Variants in CHRNA1 observed in about 807,000 individuals in gnomAD.
The protein encoded by CHRNA1 is acetylcholine receptor subunit alpha.
In CHRNA1, 35 loss-of-function variants were observed where a neutral mutation model predicts 47.1. That is an observed-to-expected ratio of 0.74 (90% CI 0.57 to 0.99). The LOEUF (loss-of-function observed/expected upper bound fraction) is 0.99, where lower values mean the gene tolerates loss of function less well. Ranked by LOEUF, CHRNA1 falls within the 50% of genes least tolerant of loss-of-function variation. The probability of loss-of-function intolerance (pLI) is 0.00; values close to 1 mark genes in which losing one functional copy is unlikely to be tolerated. For missense variants in CHRNA1, 506 were observed against 591.1 expected (o/e 0.86, Z 1.49); for synonymous variants, 229 against 223.6 (o/e 1.02, Z -0.22).
At chr2:174,751,634 T>G (rs569032328) in intron 6 of CHRNA1, among the ~76,000 whole-genome samples, 207 of 152,200 alleles carry the variant, frequency 1.4e-3, no homozygotes, top group Middle Eastern at 6.8e-3. Context: ...GCATAATTTT[T>G]GTGCTAAGTG....
chr2:174,761,644 T>C (rs1447773855), intron 1 of CHRNA1, among the ~76,000 whole-genome samples: 1 of 152,160 alleles, frequency 6.6e-6, no homozygotes, highest in Non-Finnish European at 1.5e-5. Flanking sequence ...ACCCAAAATG[T>C]TCCAAGGGCA....
chr2:174,751,406 C>G (rs756200302), intron 6 of CHRNA1, among the ~76,000 whole-genome samples: 1 of 152,060 alleles, frequency 6.6e-6, no homozygotes, highest in Non-Finnish European at 1.5e-5. Context: ...TGAAGCTGTC[C>G]CCTACTGGCT....
chr2:174,754,069 G>A (rs1308613039), intron 5 of CHRNA1, 150 bp downstream of exon 5: 1 of 780,560 alleles, frequency 1.3e-6, no homozygotes, highest in Non-Finnish European at 2.1e-6. Context: ...CTCCCATTTA[G>A]TTCTCCCTTC....
Position 174,764,352 on chromosome 2 carries a change from C to T in CHRNA1, c.43G>A (p.Ala15Thr), listed in dbSNP as rs1684152326. The stretch of plus-strand genomic sequence containing the variant: ...CCCCACCCCTGACCCCAGCACTTAC[C>T]TGAGCAAAGGCTAAAGAGCAGGAGG... ...PLLLLFSLCS[A>T]GLVLGSEHET... The change falls in exon 1 of 9, where the codon GCT becomes ACT. Residue 15 changes from alanine (A) to threonine (T), a missense_variant and splice_region_variant. Ala to Thr is a moderately conservative substitution (Grantham distance 58). Coordinates refer to ENST00000348749, the MANE Select transcript of CHRNA1 (RefSeq NM_000079.4). 4.3e-6 allele frequency: 7 copies of T among 1,613,356 alleles called. No individual in the cohort carries two copies. The highest frequency in any genetic ancestry group is 5.9e-6 in the Non-Finnish European group (7 of 1,179,738).
chr2:174,756,543 TC>T (rs748195632), intron 4 of CHRNA1, among the ~76,000 whole-genome samples: 1 of 152,202 alleles, frequency 6.6e-6, no homozygotes, highest in Non-Finnish European at 1.5e-5. Flanking sequence ...ACCAGGGTGA[TC>T]CTGAGTGAGT....
At position 174,759,613 on chromosome 2, in the gene CHRNA1, C is replaced by T. The variant is rs368979094; in HGVS notation, c.64G>A (p.Glu22Lys). 2.5e-5 allele frequency: 41 copies of T among 1,613,558 alleles called. No individual in the cohort carries two copies. In the East Asian group the frequency reaches 5.6e-4, roughly 22 times the overall value. ...TTTGCCACCAGACGGGTCTCATGTT[C>T]GGAGCCCAGGACGAGGCCAGCTGAG... is the stretch of plus-strand genomic sequence containing the variant. Reference protein sequence around the residue: ...LCSAGLVLGSEHETRLVAKLF... With the variant: ...LCSAGLVLGSKHETRLVAKLF... Residue 22 changes from glutamate (E) to lysine (K), a missense_variant, in exon 2 of 9, where the codon GAA (glutamate) becomes AAA (lysine). By Grantham distance (56) the Glu-to-Lys change is moderately conservative. Transcript: ENST00000348749.
rs766763104 is a variant in CHRNA1 at position 174,754,239 on chromosome 2, A to C, written c.520T>G (p.Ser174Ala). Reference protein sequence around the residue: ...MKLGTWTYDGSVVAINPESDQ... With the variant: ...MKLGTWTYDGAVVAINPESDQ... The stretch of plus-strand genomic sequence containing the variant: ...CCTACCGGGTTGATGGCCACGACAG[A>C]GCCGTCGTAGGTCCAGGTGCCCAGC... The change falls in exon 5 of 9, where the codon TCT (serine) becomes GCT (alanine). Residue 174 changes from serine to alanine, a missense_variant. Ser to Ala is a moderately conservative substitution (Grantham distance 99, BLOSUM62 1). Transcript: ENST00000348749. 3 of 1,613,592 alleles carry C rather than the reference A, an allele frequency of 1.9e-6. No homozygotes were observed. In the Admixed American group the frequency reaches 5.0e-5, roughly 27 times the overall value.
chr2:174,751,540 A>G (rs2105346349), intron 6 of CHRNA1, among the ~76,000 whole-genome samples: 1 of 152,308 alleles, frequency 6.6e-6, no homozygotes, highest in East Asian at 1.9e-4. Flanking sequence ...AAAAGAATAC[A>G]ATTACAAATA....
intron 2 of CHRNA1, 45 bp downstream of exon 2, chr2:174,759,443 G>A: frequency 1.2e-6 from 2 of 1,614,132 alleles, no homozygotes; most frequent in Non-Finnish European, 1.7e-6. Flanking sequence ...ACCCAGGGGT[G>A]AGAGGTGTGG....
rs1002820589 is a variant in CHRNA1 at position 174,753,150 on chromosome 2, T to A, written c.778+353A>T. 3 of 538,876 alleles carry A rather than the reference T, an allele frequency of 5.6e-6. No homozygotes were observed. In the East Asian group the frequency reaches 9.5e-5, roughly 17 times the overall value. The allele number at this position is 538,876 out of a possible 1,614,324, so 33.4% of individuals were successfully genotyped here. A position where few individuals can be genotyped will look rare whatever the true frequency, so the allele number is the denominator to read the frequency against. ...ATAGAAAGTGACTTCATCGTGGAAG[T>A]GGCATGAGAAGTGTCTGGGATCACA... On this transcript the variant is annotated intron_variant, in intron 6 of 8. Transcript: ENST00000348749.
At chr2:174,757,773 C>T in intron 3 of CHRNA1, 98 bp from the exon 4 acceptor site, 1 of 1,161,072 alleles carries the variant, frequency 8.6e-7, no homozygotes, top group Admixed American at 1.9e-5. Context: ...TCAGTATTGA[C>T]AGAAATTGTG....
chr2:174,757,609 G>T lies in CHRNA1; in HGVS notation c.301C>A (p.Pro101Thr). The T allele has an allele frequency of 1.9e-6, 3 of 1,614,100 alleles. No homozygotes were observed. Among genetic ancestry groups the T allele is most frequent in the Non-Finnish European group, 2.5e-6 (3 of 1,180,012 alleles). Residue 101 changes from proline to threonine, a missense_variant, in exon 4 of 9, where the codon CCT (proline) becomes ACT (threonine). Transcript: ENST00000348749. Reference sequence around the variant, plus strand: ...TCTGGGCGCCAGATCTTTTCTGAAGGAATGTGAATTTTTTTCACACCGCCA... The same window carrying T: ...TCTGGGCGCCAGATCTTTTCTGAAGTAATGTGAATTTTTTTCACACCGCCA... ...DYGGVKKIHI[P>T]SEKIWRPDLV...
intron 1 of CHRNA1, among the ~76,000 whole-genome samples, chr2:174,759,966 A>C (rs993542995): frequency 6.6e-6 from 1 of 150,534 alleles, no homozygotes; most frequent in Non-Finnish European, 1.5e-5. Flanking sequence ...ACACGAAAAA[A>C]AAGCCCACAA....
At chr2:174,759,670 T>G (rs2105352286) in intron 1 of CHRNA1, 37 bp from the exon 2 acceptor site, 1 of 1,609,142 alleles carries the variant, frequency 6.2e-7, no homozygotes, top group East Asian at 2.2e-5. Flanking sequence ...GTCAGATTCT[T>G]CTCCCCACCC....
intron 2 of CHRNA1, 34 bp from the exon 3 acceptor site, chr2:174,759,409 G>A (rs895703534): frequency 6.2e-7 from 1 of 1,613,914 alleles, no homozygotes; most frequent in South Asian, 1.1e-5. Context: ...TTTTATGGGG[G>A]AGAGAGGGGA....
At chr2:174,758,096 A>G in intron 3 of CHRNA1, 1 of 1,605,946 alleles carries the variant, frequency 6.2e-7, no homozygotes, top group Non-Finnish European at 8.5e-7. Flanking sequence ...TTTAAAAAGT[A>G]CCATATATTT....
intron 1 of CHRNA1, among the ~76,000 whole-genome samples, chr2:174,763,664 A>G (rs1684138050): frequency 6.6e-6 from 1 of 152,182 alleles, no homozygotes; most frequent in African/African-American, 2.4e-5. Flanking sequence ...GTGTTAGGAC[A>G]CATTCCAGAG....
intron 6 of CHRNA1, among the ~76,000 whole-genome samples, chr2:174,751,341 G>C (rs1683844109): frequency 6.6e-6 from 1 of 150,724 alleles, no homozygotes; most frequent in South Asian, 2.1e-4. Context: ...CTTTCCCTGG[G>C]CTGGCCTTGC....
At chr2:174,751,665 C>T (rs554767960) in intron 6 of CHRNA1, among the ~76,000 whole-genome samples, 1 of 150,892 alleles carries the variant, frequency 6.6e-6, no homozygotes, top group Admixed American at 6.6e-5. Context: ...TTCTTTCTTT[C>T]TTTTCTTTCT....
Sources: gnomAD v4.1 joint callset for allele counts (sites outside exome capture counted in the v4.1 genomes callset) on GRCh38, gnomAD v4.1.1 for gene constraint, MANE v1.5 for transcripts, NCBI Gene and HGNC (gene_info 2026-07-23, HGNC 2026-07-21) for gene names.